The following C19orf12 variants were observed in gnomAD, a reference collection of about 807,000 sequenced individuals.
C19orf12 encodes the protein protein C19orf12.
Under a neutral mutation model 3.8 loss-of-function variants are expected in C19orf12, and 2 were observed. That is an observed-to-expected ratio of 0.53 (90% CI 0.22 to 1.66). C19orf12 has a LOEUF of 1.66. Among genes scored for constraint, C19orf12 ranks in the 40% most tolerant of loss-of-function variants. C19orf12 has a pLI of 0.20. For synonymous variants in C19orf12, 89 were observed against 84.6 expected (o/e 1.05, Z -0.28); for missense variants, 156 against 188.8 (o/e 0.83, Z 1.02).
intron 2 of C19orf12, among the ~76,000 whole-genome samples, chr19:29,704,209 C>T (rs1032703679): frequency 1.3e-5 from 2 of 152,158 alleles, no homozygotes; most frequent in Non-Finnish European, 1.5e-5. Flanking sequence ...GTGGCTCACG[C>T]CTGTAATCCC....
intron 2 of C19orf12, 96 bp downstream of exon 2, chr19:29,708,158 C>G: frequency 6.5e-7 from 1 of 1,549,034 alleles, no homozygotes; most frequent in Non-Finnish European, 8.8e-7. Context: ...GGATTACAGG[C>G]ATGAGCCACA....
At chr19:29,707,778 G>A (rs186313623) in intron 2 of C19orf12, among the ~76,000 whole-genome samples, 2 of 152,104 alleles carry the variant, frequency 1.3e-5, no homozygotes, top group East Asian at 1.9e-4. Context: ...TTTCCCAGAG[G>A]CATCTTTAAC....
rs772027533 is a variant in C19orf12 at position 29,702,862 on chromosome 19, G to T, written c.276C>A (p.Ala92=). Residue 92 remains alanine, a synonymous_variant, in exon 3 of 3, where the codon GCC becomes GCA. Coordinates refer to ENST00000323670, the MANE Select transcript of C19orf12 (RefSeq NM_031448.6). ...PAEQQRLFNE[A]AAIIRHLEWT... ...ACTCCAGGTGCCTGATGATGGCTGC[G>T]GCTTCGTTAAAGAGCCTCTGTTGCT... The T allele has an allele frequency of 6.2e-7, 1 of 1,614,164 alleles. No homozygotes were observed. Among genetic ancestry groups the T allele is most frequent in the African/African-American group, 1.3e-5 (1 of 75,040 alleles).
chr19:29,707,704 A>G (rs555195206), intron 2 of C19orf12, among the ~76,000 whole-genome samples: 1 of 152,214 alleles, frequency 6.6e-6, no homozygotes, highest in East Asian at 1.9e-4. Context: ...AGTACCCCAC[A>G]CTTCTGAGAC....
rs1027837738 is a variant in C19orf12 at position 29,701,401 on chromosome 19, A to G, written c.*1311T>C. 3 of 454,048 alleles carry G rather than the reference A, an allele frequency of 6.6e-6. No homozygotes were observed. Among genetic ancestry groups the G allele is most frequent in the African/African-American group, 6.0e-5 (3 of 50,024 alleles). The allele number at this position is 454,048 out of a possible 1,614,324, so 28.1% of individuals were successfully genotyped here. On this transcript the variant is annotated 3_prime_UTR_variant, in exon 3 of 3. Transcript: ENST00000323670. ...AATTTAAATCATCTCTAGATTTCTT[A>G]TAATACCAAATACAATATAAATGCT...
intron 2 of C19orf12, among the ~76,000 whole-genome samples, chr19:29,705,870 C>T (rs73023464): frequency 0.15 from 23,205 of 152,062 alleles, 3,199 homozygotes; most frequent in African/African-American, 0.37. Flanking sequence ...CTAGGAGAAC[C>T]GAAACTGGAT....
intron 1 of C19orf12, among the ~76,000 whole-genome samples, chr19:29,713,617 G>A (rs1972797223): frequency 6.6e-6 from 1 of 152,176 alleles, no homozygotes; most frequent in Admixed American, 6.5e-5. Context: ...AAGGCAGTAG[G>A]TGGATCCCAC....
chr19:29,714,663 T>C (rs1423361438), intron 1 of C19orf12, among the ~76,000 whole-genome samples: 2 of 150,990 alleles, frequency 1.3e-5, no homozygotes, highest in African/African-American at 4.9e-5. Context: ...ACATTTATAA[T>C]ACCTAGCACC....
chr19:29,699,139 G>T lies in C19orf12; in HGVS notation c.*3573C>A. On this transcript the variant is annotated 3_prime_UTR_variant, in exon 3 of 3. Transcript: ENST00000323670. ...CATTCATTGATACAGGTGTTCAAAG[G>T]GGCATATAGGATAAGAAGGCAAGTA... The T allele has an allele frequency of 2.2e-6, 1 of 453,676 alleles. No individual in the cohort carries two copies. Among genetic ancestry groups the T allele is most frequent in the Non-Finnish European group, 4.4e-6 (1 of 226,712 alleles). The allele number at this position is 453,676 out of a possible 1,614,324, so 28.1% of individuals were successfully genotyped here.
chr19:29,700,727 T>G lies in C19orf12; in HGVS notation c.*1985A>C. ...ACGAGGCCAGCAGAAGAGCAATCGC[T>G]CTGCAAGAGAAAGGCTCGGCCCTTC... is the stretch of plus-strand genomic sequence containing the variant. On this transcript the variant is annotated 3_prime_UTR_variant, in exon 3 of 3. Coordinates refer to ENST00000323670, the MANE Select transcript of C19orf12 (RefSeq NM_031448.6). 4.4e-6 allele frequency: 2 copies of G among 454,120 alleles called. No individual in the cohort carries two copies. The highest frequency in any genetic ancestry group is 8.8e-6 in the Non-Finnish European group (2 of 226,800). The allele number at this position is 454,120 out of a possible 1,614,324, so 28.1% of individuals were successfully genotyped here. A position where few individuals can be genotyped will look rare whatever the true frequency, so the allele number is the denominator to read the frequency against.
intron 2 of C19orf12, among the ~76,000 whole-genome samples, chr19:29,707,116 G>A (rs573266370): frequency 6.6e-6 from 1 of 152,372 alleles, no homozygotes; most frequent in East Asian, 1.9e-4. Flanking sequence ...TAGCACTTCG[G>A]GAGGCCCAGG....
In C19orf12 at chr19:29,702,162, C is replaced by T. The variant is rs1319364719; in HGVS notation, c.*550G>A. 4.4e-6 allele frequency: 2 copies of T among 453,926 alleles called. No individual in the cohort carries two copies. The highest frequency in any genetic ancestry group is 3.1e-5 in the South Asian group (2 of 64,476). 28.1% of individuals were successfully genotyped at this position (453,926 alleles called of 1,614,324 possible). Reference sequence around the variant, plus strand: ...TTGTGGCTTCACTCAGCAGGCCGCCCGTCCCCTCCGTGGGGCCATTCGACA... The same window carrying T: ...TTGTGGCTTCACTCAGCAGGCCGCCTGTCCCCTCCGTGGGGCCATTCGACA... On this transcript the variant is annotated 3_prime_UTR_variant, in exon 3 of 3. Transcript: ENST00000323670.
intron 1 of C19orf12, chr19:29,708,776 C>G: frequency 2.7e-6 from 1 of 370,664 alleles, no homozygotes; most frequent in South Asian, 2.1e-5. Context: ...TTTGCACTGG[C>G]CCGGGGAATG....
rs80024917 is a variant in C19orf12 at position 29,699,934 on chromosome 19, G to A, written c.*2778C>T. 9.1e-4 allele frequency: 412 copies of A among 454,026 alleles called. No homozygotes were observed. The highest frequency in any genetic ancestry group is 5.5e-3 in the African/African-American group (277 of 50,084). 28.1% of individuals were successfully genotyped at this position (454,026 alleles called of 1,614,324 possible). ...GGGGGAAATCAAGAAAAGTGCTTTC[G>A]GCTCCTGGGGGAGATAAGACTCCAG... On this transcript the variant is annotated 3_prime_UTR_variant, in exon 3 of 3. Transcript: ENST00000323670.
At chr19:29,707,350 C>T (rs978261581) in intron 2 of C19orf12, among the ~76,000 whole-genome samples, 6 of 152,174 alleles carry the variant, frequency 3.9e-5, no homozygotes, top group African/African-American at 9.7e-5. Flanking sequence ...GAATGAGACT[C>T]GGTCTCAAAA....
At chr19:29,707,964 C>T (rs530574076) in intron 2 of C19orf12, among the ~76,000 whole-genome samples, 2 of 151,694 alleles carry the variant, frequency 1.3e-5, no homozygotes, top group South Asian at 2.1e-4. Flanking sequence ...CTTTGCCTCC[C>T]GGGTTTAAGC....
chr19:29,700,827 T>C lies in C19orf12; in HGVS notation c.*1885A>G, dbSNP rs930710302. ...GGTGCCAGGATACTGAGCTTTCCTA[T>C]AAGCAGGGCCTCAGCAGAAGTGCCT... On this transcript the variant is annotated 3_prime_UTR_variant, in exon 3 of 3. Transcript: ENST00000323670. 2.2e-5 allele frequency: 10 copies of C among 453,962 alleles called. No individual in the cohort carries two copies. The highest frequency in any genetic ancestry group is 6.0e-5 in the African/African-American group (3 of 49,978). The allele number at this position is 453,962 out of a possible 1,614,324, so 28.1% of individuals were successfully genotyped here.
At position 29,709,949 on chromosome 19, in the gene C19orf12, G is replaced by A. The variant is rs150090583; in HGVS notation, c.-10-1526C>T. 4.7e-3 allele frequency among the ~76,000 whole-genome samples: 712 copies of A among 152,188 alleles called. 9 individuals are homozygous for A. The highest frequency in any genetic ancestry group is 0.017 in the African/African-American group (689 of 41,504). Reference sequence around the variant, plus strand: ...TGCAGTGGTGCGATCATGGCTGACTGCAGCCTTGAACTCCTGGGCTACAGT... The same window carrying A: ...TGCAGTGGTGCGATCATGGCTGACTACAGCCTTGAACTCCTGGGCTACAGT... On this transcript the variant is annotated intron_variant, in intron 1 of 2. Transcript: ENST00000323670.
At position 29,702,097 on chromosome 19, in the gene C19orf12, G is replaced by A. The variant is rs1452369171; in HGVS notation, c.*615C>T. 1.8e-5 allele frequency: 8 copies of A among 449,512 alleles called. No individual in the cohort carries two copies. Among genetic ancestry groups the A allele is most frequent in the Non-Finnish European group, 3.1e-5 (7 of 223,722 alleles). 27.8% of individuals were successfully genotyped at this position (449,512 alleles called of 1,614,324 possible). A position where few individuals can be genotyped will look rare whatever the true frequency, so the allele number is the denominator to read the frequency against. On this transcript the variant is annotated 3_prime_UTR_variant, in exon 3 of 3. Transcript: ENST00000323670. ...AGGCCCTGGCAGGGCGAGTCTAGGT[G>A]TGCAGCCTAGTGGGGGCCGGGGTCA... is the stretch of plus-strand genomic sequence containing the variant.
Sources: allele counts gnomAD v4.1 joint callset (sites outside exome capture counted in the v4.1 genomes callset), GRCh38; gene constraint gnomAD v4.1.1; transcripts MANE v1.5; gene names NCBI Gene and HGNC (gene_info 2026-07-23, HGNC 2026-07-21).